The following LNX2 variants were observed in gnomAD, a reference collection of about 807,000 sequenced individuals.
The protein encoded by LNX2 is ligand of numb-protein X 2.
A neutral mutation model predicts 66.2 loss-of-function variants in LNX2; 35 were observed. That is an observed-to-expected ratio of 0.53 (90% CI 0.40 to 0.70). The LOEUF (loss-of-function observed/expected upper bound fraction) is 0.70. Ranked by LOEUF, LNX2 falls within the 30% of genes least tolerant of loss-of-function variation. LNX2 has a pLI of 0.00. For missense variants in LNX2, 791 were observed against 850.8 expected (o/e 0.93, Z 0.87); for synonymous variants, 337 against 315.6 (o/e 1.07, Z -0.72).
intron 5 of LNX2, 146 bp from the exon 6 acceptor site, chr13:27,560,131 G>C (rs748893801): frequency 3.6e-6 from 2 of 549,208 alleles, no homozygotes; most frequent in Admixed American, 7.7e-5. Flanking sequence ...GGTGGCAAGA[G>C]GAATGAGTTC....
chr13:27,566,355 T>A (rs1030592750), intron 4 of LNX2, among the ~76,000 whole-genome samples: 2 of 152,178 alleles, frequency 1.3e-5, no homozygotes, highest in Non-Finnish European at 2.9e-5. Context: ...CTAGATTGTA[T>A]ATTCCACGAG....
chr13:27,604,406 T>C (rs1392455094), intron 1 of LNX2, among the ~76,000 whole-genome samples: 3 of 152,162 alleles, frequency 2.0e-5, no homozygotes, highest in Non-Finnish European at 4.4e-5. Flanking sequence ...CTATGGGTGA[T>C]CAAAGAAACA....
At chr13:27,618,201 C>T (rs921946395) in intron 1 of LNX2, among the ~76,000 whole-genome samples, 1 of 152,224 alleles carries the variant, frequency 6.6e-6, no homozygotes, top group Non-Finnish European at 1.5e-5. Context: ...CTTACCTAGT[C>T]CAGCCTCCTA....
At position 27,581,310 on chromosome 13, in the gene LNX2, G is replaced by A; in HGVS notation, c.394C>T (p.His132Tyr). ...DVMQRCDLEA[H>Y]LKNRCPGASH... ...TTTTTTGCTTACCTGTTTTTGAGAT[G>A]TGCCTCCAGATCACAACGTTGCATT... Residue 132 changes from histidine to tyrosine, a missense_variant, in exon 2 of 10, where the codon CAT becomes TAT. Transcript: ENST00000316334. The A allele has an allele frequency of 4.1e-6, 6 of 1,476,250 alleles. No individual in the cohort carries two copies. Among genetic ancestry groups the A allele is most frequent in the Non-Finnish European group, 4.5e-6 (5 of 1,110,556 alleles). The allele number at this position is 1,476,250 out of a possible 1,614,324, so 91.4% of individuals were successfully genotyped here. A position where few individuals can be genotyped will look rare whatever the true frequency, so the allele number is the denominator to read the frequency against.
intron 1 of LNX2, among the ~76,000 whole-genome samples, chr13:27,618,046 T>C (rs959790702): frequency 6.6e-6 from 1 of 152,246 alleles, no homozygotes; most frequent in Admixed American, 6.5e-5. Context: ...CAAAGTTCTG[T>C]CAGGATAGTT....
chr13:27,600,922 C>T (rs546725934), intron 1 of LNX2, among the ~76,000 whole-genome samples: 1 of 152,330 alleles, frequency 6.6e-6, no homozygotes, highest in South Asian at 2.1e-4. Flanking sequence ...CCCAGAATCA[C>T]AAAGACTAAA....
intron 2 of LNX2, among the ~76,000 whole-genome samples, chr13:27,574,373 T>C (rs542109251): frequency 3.5e-4 from 54 of 152,174 alleles, no homozygotes; most frequent in African/African-American, 8.9e-4. Flanking sequence ...AATTGCGCCA[T>C]TGCACTCCAG....
chr13:27,559,300 A>C (rs944284579), intron 6 of LNX2, among the ~76,000 whole-genome samples: 2 of 152,152 alleles, frequency 1.3e-5, no homozygotes, highest in Admixed American at 1.3e-4. Flanking sequence ...ATATTCCTCT[A>C]AGCTTTAACA....
intron 1 of LNX2, among the ~76,000 whole-genome samples, chr13:27,615,494 T>C (rs1055021030): frequency 2.3e-4 from 35 of 152,096 alleles, no homozygotes; most frequent in Non-Finnish European, 1.9e-4. Context: ...TCATTGGCCA[T>C]TGGTGATCAG....
At chr13:27,564,170 A>T (rs1955175222) in intron 4 of LNX2, among the ~76,000 whole-genome samples, 1 of 152,238 alleles carries the variant, frequency 6.6e-6, no homozygotes, top group Admixed American at 6.5e-5. Context: ...AAATCCAGCC[A>T]TGTGTAAACA....
chr13:27,558,293 C>T (rs1342140678), intron 6 of LNX2, among the ~76,000 whole-genome samples: 2 of 151,412 alleles, frequency 1.3e-5, no homozygotes, highest in East Asian at 1.9e-4. Context: ...CATTCCATTT[C>T]AAGTGGTTTT....
chr13:27,587,796 C>T (rs1327805782), intron 1 of LNX2, among the ~76,000 whole-genome samples: 1 of 152,026 alleles, frequency 6.6e-6, no homozygotes, highest in Non-Finnish European at 1.5e-5. Flanking sequence ...CCAAGGCGGG[C>T]AGATCACAAG....
At chr13:27,614,800 T>C (rs1284862592) in intron 1 of LNX2, among the ~76,000 whole-genome samples, 1 of 152,146 alleles carries the variant, frequency 6.6e-6, no homozygotes, top group African/African-American at 2.4e-5. Flanking sequence ...TCTTTAAGAT[T>C]AGTAGCCGAA....
chr13:27,598,664 G>A (rs1955624888), intron 1 of LNX2, among the ~76,000 whole-genome samples: 1 of 152,058 alleles, frequency 6.6e-6, no homozygotes, highest in African/African-American at 2.4e-5. Context: ...AAGACCTAAA[G>A]CTAGTGAGGG....
At chr13:27,563,699 A>G (rs1298956668) in intron 4 of LNX2, among the ~76,000 whole-genome samples, 5 of 152,194 alleles carry the variant, frequency 3.3e-5, no homozygotes, top group African/African-American at 1.2e-4. Context: ...ACAGGCTCTG[A>G]GTTAGGTGTT....
At chr13:27,585,983 T>A (rs1955480350) in intron 1 of LNX2, among the ~76,000 whole-genome samples, 1 of 128,404 alleles carries the variant, frequency 7.8e-6, no homozygotes, top group African/African-American at 3.1e-5. Flanking sequence ...ATATAAAGAA[T>A]AAGTGTATAT....
At chr13:27,562,841 AT>A in intron 4 of LNX2, 60 bp from the exon 5 acceptor site, 1 of 1,538,820 alleles carries the variant, frequency 6.5e-7, no homozygotes, top group Non-Finnish European at 8.8e-7. Flanking sequence ...ATTTGTAGGA[AT>A]GTTTATGTGA....
chr13:27,570,227 A>C (rs6491217), intron 2 of LNX2, among the ~76,000 whole-genome samples: 93,018 of 151,916 alleles, frequency 0.61, 29,914 homozygotes, highest in African/African-American at 0.82. Context: ...TCTACGGATG[A>C]CACATGCTTT....
rs8002697 is a variant in LNX2 at position 27,569,092 on chromosome 13, A to G, written c.592T>C (p.Ser198Pro). The G allele has an allele frequency of 0.54, 872,646 of 1,612,804 alleles. 238,907 individuals carry two copies. The highest frequency in any genetic ancestry group is 0.67 in the African/African-American group (50,185 of 74,764). ...VERHLTSASLSTWSEEPGLDN... is the reference protein window; with the variant it reads ...VERHLTSASLPTWSEEPGLDN... ...AGGCCAGGCTCCTCACTCCATGTGG[A>G]AAGAGACGCTGATGTCAAGTGCCGC... Residue 198 changes from serine to proline, a missense_variant, in exon 3 of 10, where the codon TCC becomes CCC. Coordinates refer to ENST00000316334, the MANE Select transcript of LNX2 (RefSeq NM_153371.4).
Sources: gnomAD v4.1 joint callset for allele counts (sites outside exome capture counted in the v4.1 genomes callset) on GRCh38, gnomAD v4.1.1 for gene constraint, MANE v1.5 for transcripts, NCBI Gene and HGNC (gene_info 2026-07-23, HGNC 2026-07-21) for gene names.